The following GPC3 variants were observed in gnomAD, a reference collection of about 807,000 sequenced individuals.
GPC3 encodes the protein glypican-3.
In GPC3, 3 loss-of-function variants were observed where a neutral mutation model predicts 34.4. The observed-to-expected ratio is 0.09, with a 90% confidence interval of 0.04 to 0.23. GPC3 has a LOEUF of 0.23. Among genes scored for constraint, GPC3 ranks in the 10% least tolerant of loss-of-function variants. GPC3 has a pLI of 1.00. For synonymous variants in GPC3, 177 were observed against 174.0 expected (o/e 1.02, Z -0.13); for missense variants, 351 against 445.6 (o/e 0.79, Z 1.91).
In GPC3 at chrX:133,652,327, T is replaced by A. The variant is rs146770749; in HGVS notation, c.1413+9403A>T. On this transcript the variant is annotated intron_variant, in intron 6 of 7. Coordinates refer to ENST00000370818, the MANE Select transcript of GPC3 (RefSeq NM_004484.4). ...GAAGAGTAATTCTCTTAGCTTTTAT[T>A]TGGTTTCGTCAGCTGCTTGCCCATA... Among the ~76,000 whole-genome samples the A allele has an allele frequency of 8.7e-3, 966 of 111,290 alleles. 6 individuals carry two copies. The highest frequency in any genetic ancestry group is 0.019 in the East Asian group (67 of 3,524).
At chrX:133,574,724 AAAGTTC>A (rs1438816601) in intron 7 of GPC3, among the ~76,000 whole-genome samples, 1 of 112,296 alleles carries the variant, frequency 8.9e-6, no homozygotes, top group Non-Finnish European at 1.9e-5. Context: ...TATTTTTACA[AAAGTTC>A]CAGAAGACCA....
intron 2 of GPC3, among the ~76,000 whole-genome samples, chrX:133,905,007 G>A (rs755058230): frequency 8.9e-6 from 1 of 111,915 alleles, no homozygotes; most frequent in South Asian, 3.8e-4. Flanking sequence ...TTACCACATC[G>A]TCTCCACCCC....
chrX:133,765,188 C>T (rs2071833896), intron 2 of GPC3, among the ~76,000 whole-genome samples: 1 of 111,939 alleles, frequency 8.9e-6, no homozygotes, highest in African/African-American at 3.2e-5. Context: ...ACATGGATTA[C>T]TCCAAACAGC....
chrX:133,924,778 C>T (rs1247883714), intron 2 of GPC3, among the ~76,000 whole-genome samples: 2 of 111,369 alleles, frequency 1.8e-5, no homozygotes, highest in Non-Finnish European at 3.8e-5. Flanking sequence ...TATTACCACA[C>T]GAAGTAGCTC....
At chrX:133,959,754 T>C (rs772678748) in intron 1 of GPC3, among the ~76,000 whole-genome samples, 1 of 112,377 alleles carries the variant, frequency 8.9e-6, no homozygotes, top group African/African-American at 3.2e-5. Context: ...CAAAGATAAA[T>C]TCATGCTGAG....
At chrX:133,805,999 A>G (rs2052253290) in intron 2 of GPC3, among the ~76,000 whole-genome samples, 1 of 112,447 alleles carries the variant, frequency 8.9e-6, no homozygotes, top group Non-Finnish European at 1.9e-5. Flanking sequence ...GAAAGAGTAC[A>G]CTATATTTAG....
At chrX:133,583,456 C>T (rs1393190727) in intron 7 of GPC3, among the ~76,000 whole-genome samples, 1 of 111,780 alleles carries the variant, frequency 8.9e-6, no homozygotes, top group African/African-American at 3.3e-5. Context: ...CCTCCACCTC[C>T]TGGGTTCAAG....
At chrX:133,615,677 A>T (rs2124352006) in intron 6 of GPC3, among the ~76,000 whole-genome samples, 1 of 109,344 alleles carries the variant, frequency 9.1e-6, no homozygotes, top group African/African-American at 3.3e-5. Flanking sequence ...TGGGTGCAGC[A>T]AACCACCATG....
At chrX:133,872,202 A>G (rs1470647026) in intron 2 of GPC3, among the ~76,000 whole-genome samples, 1 of 111,282 alleles carries the variant, frequency 9.0e-6, no homozygotes, top group African/African-American at 3.3e-5. Flanking sequence ...AAAAAGTTCA[A>G]TTTTTTATTT....
At position 133,926,786 on chromosome X, in the gene GPC3, G is replaced by A. The variant is rs13441102; in HGVS notation, c.337+26264C>T. On this transcript the variant is annotated intron_variant, in intron 2 of 7. Transcript: ENST00000370818. ...TAACCAAAAATACCGTCCCCCCTCC[G>A]CCCCCCTGCCACCGCCCCGGCAAAT... Among the ~76,000 whole-genome samples, 40 of 46,727 alleles carry A rather than the reference G, an allele frequency of 8.6e-4. 2 individuals carry two copies. The South Asian group carries it at 0.051, about 59-fold the overall frequency. The allele number at this position is 46,727 out of a possible 115,157, so 40.6% of individuals were successfully genotyped here.
At chrX:133,804,839 T>TA (rs1005385285) in intron 2 of GPC3, among the ~76,000 whole-genome samples, 3 of 110,541 alleles carry the variant, frequency 2.7e-5, no homozygotes, top group Non-Finnish European at 5.7e-5. Context: ...TGATGGAGGT[T>TA]AAAAAAAATA....
At chrX:133,925,222 GGCAGAGTAACCTCATTCCC>G (rs1445101334) in intron 2 of GPC3, among the ~76,000 whole-genome samples, 3 of 109,686 alleles carry the variant, frequency 2.7e-5, no homozygotes, top group African/African-American at 9.9e-5. Context: ...AACAAGTCAT[GGCAGAGTAACCTCATTCCC>G]TTTTATGATA....
chrX:133,778,776 G>A (rs1031669741), intron 2 of GPC3, among the ~76,000 whole-genome samples: 6 of 111,555 alleles, frequency 5.4e-5, no homozygotes, highest in African/African-American at 2.0e-4. Context: ...TAACAGTACA[G>A]GGCCCGTGGC....
intron 6 of GPC3, among the ~76,000 whole-genome samples, chrX:133,646,498 A>C (rs1420695894): frequency 8.9e-6 from 1 of 111,799 alleles, no homozygotes; most frequent in Non-Finnish European, 1.9e-5. Flanking sequence ...CAAATAAGGA[A>C]GTTTCCCAAT....
At chrX:133,804,216 G>T (rs891922915) in intron 2 of GPC3, among the ~76,000 whole-genome samples, 1 of 111,348 alleles carries the variant, frequency 9.0e-6, no homozygotes, top group African/African-American at 3.3e-5. Flanking sequence ...CCCTTTAGAG[G>T]CAACAAAGCA....
intron 2 of GPC3, among the ~76,000 whole-genome samples, chrX:133,760,026 T>C (rs1215820900): frequency 9.0e-6 from 1 of 111,200 alleles, no homozygotes; most frequent in Non-Finnish European, 1.9e-5. Context: ...GAAAAAAAAC[T>C]AGAAAAAGAT....
At chrX:133,562,625 G>A (rs894963484) in intron 7 of GPC3, among the ~76,000 whole-genome samples, 5 of 110,509 alleles carry the variant, frequency 4.5e-5, no homozygotes, top group South Asian at 3.9e-4. Context: ...AGTGAGAATC[G>A]GTGTCAAAAG....
intron 7 of GPC3, among the ~76,000 whole-genome samples, chrX:133,543,754 A>G (rs1344558810): frequency 1.8e-5 from 2 of 112,121 alleles, no homozygotes; most frequent in Non-Finnish European, 3.8e-5. Flanking sequence ...AATTGGGGGA[A>G]AGCACACTTT....
chrX:133,908,066 C>T (rs1034523017), intron 2 of GPC3, among the ~76,000 whole-genome samples: 3 of 110,984 alleles, frequency 2.7e-5, no homozygotes, highest in Admixed American at 1.9e-4. Context: ...ATGCTCCTTT[C>T]GGAGAGATGA....
Sources: gnomAD v4.1 joint callset for allele counts (sites outside exome capture counted in the v4.1 genomes callset) on GRCh38, gnomAD v4.1.1 for gene constraint, MANE v1.5 for transcripts, NCBI Gene and HGNC (gene_info 2026-07-23, HGNC 2026-07-21) for gene names.